Variants in XYLB observed in about 807,000 individuals in gnomAD.
XYLB encodes xylulose kinase.
Under a neutral mutation model 78.7 loss-of-function variants are expected in XYLB, and 62 were observed. That is an observed-to-expected ratio of 0.79 (90% CI 0.64 to 0.97). The LOEUF (loss-of-function observed/expected upper bound fraction) is 0.97, where lower values mean the gene tolerates loss of function less well. Ranked by LOEUF, XYLB falls within the 50% of genes least tolerant of loss-of-function variation. XYLB has a pLI of 0.00. For synonymous variants in XYLB, 245 were observed against 247.4 expected (o/e 0.99, Z 0.09); for missense variants, 687 against 676.8 (o/e 1.02, Z -0.17).
chr3:38,427,927 T>A, the XYLB span, among the ~76,000 whole-genome samples: 2 of 152,208 alleles, frequency 1.3e-5, no homozygotes, highest in South Asian at 4.1e-4. Context: ...GAAATCTACA[T>A]AACTGATTTA....
Position 38,395,576 on chromosome 3 carries a change from A to G in XYLB, c.1350+13A>G. The G allele has an allele frequency of 6.2e-7, 1 of 1,613,844 alleles. No individual in the cohort carries two copies. The highest frequency in any genetic ancestry group is 8.5e-7 in the Non-Finnish European group (1 of 1,179,698). On this transcript the variant is annotated intron_variant, in intron 16 of 18. Coordinates refer to ENST00000207870, the MANE Select transcript of XYLB (RefSeq NM_005108.4). ...AGAAATCTTACAGGTAAGCGTTAGT[A>G]GTGGGCCTTACACCATGGCCTCTCC...
intron 2 of XYLB, among the ~76,000 whole-genome samples, chr3:38,349,641 G>C (rs957018867): frequency 6.6e-6 from 1 of 152,206 alleles, no homozygotes; most frequent in Non-Finnish European, 1.5e-5. Flanking sequence ...GTTTTGGAGA[G>C]AAAGATCATG....
chr3:38,382,925 C>T (rs1336956239), intron 15 of XYLB, among the ~76,000 whole-genome samples: 1 of 152,232 alleles, frequency 6.6e-6, no homozygotes, highest in Non-Finnish European at 1.5e-5. Context: ...AATAGACATA[C>T]TTGGAACCAA....
intron 9 of XYLB, among the ~76,000 whole-genome samples, chr3:38,370,630 C>G (rs958754707): frequency 1.3e-5 from 2 of 152,258 alleles, no homozygotes; most frequent in South Asian, 4.2e-4. Flanking sequence ...AGCTTTGTGA[C>G]TTTGTGTCTC....
At chr3:38,389,098 G>T (rs1174762006) in intron 15 of XYLB, among the ~76,000 whole-genome samples, 3 of 147,030 alleles carry the variant, frequency 2.0e-5, no homozygotes, top group African/African-American at 7.6e-5. Flanking sequence ...GCGGCCTTCC[G>T]CAGTGTTTGT....
chr3:38,376,534 G>T (rs1231764637), intron 13 of XYLB, among the ~76,000 whole-genome samples: 1 of 152,186 alleles, frequency 6.6e-6, no homozygotes, highest in Non-Finnish European at 1.5e-5. Context: ...CCTCTACCCT[G>T]GTGCATCCCC....
rs761134663 is a variant in XYLB at position 38,362,979 on chromosome 3, G to A, written c.253G>A (p.Asp85Asn). The change falls in exon 4 of 19, where the codon GAC becomes AAC. Residue 85 changes from aspartate (D) to asparagine (N), a missense_variant. Asp to Asn is a conservative substitution (Grantham distance 23, BLOSUM62 1). Coordinates refer to ENST00000207870, the MANE Select transcript of XYLB (RefSeq NM_005108.4). ...ILEKMKASGF[D>N]FSQVLALSGA... ...GGAGAAGATGAAGGCTTCGGGCTTC[G>A]ACTTCTCTCAAGTCCTAGCCTTGTC... The A allele has an allele frequency of 1.7e-5, 27 of 1,583,568 alleles. No individual in the cohort carries two copies. The African/African-American group carries it at 2.9e-4, about 17-fold the overall frequency.
intron 9 of XYLB, among the ~76,000 whole-genome samples, chr3:38,370,890 A>G (rs1455379829): frequency 6.6e-6 from 1 of 152,030 alleles, no homozygotes; most frequent in African/African-American, 2.4e-5. Flanking sequence ...AGAGAGAGAG[A>G]GAAAAAGATC....
intron 15 of XYLB, among the ~76,000 whole-genome samples, chr3:38,381,659 T>C (rs1707152578): frequency 6.6e-6 from 1 of 152,224 alleles, no homozygotes; most frequent in Non-Finnish European, 1.5e-5. Flanking sequence ...GCGTAGCCTG[T>C]CTCTTATGGT....
chr3:38,437,005 AAAT>A, the XYLB span, among the ~76,000 whole-genome samples: 4,509 of 134,742 alleles, frequency 0.033, 93 homozygotes, highest in African/African-American at 0.065. Flanking sequence ...CTCCTTCTAA[AAAT>A]AATAATAATA....
intron 15 of XYLB, among the ~76,000 whole-genome samples, chr3:38,394,108 A>T (rs1462764403): frequency 6.6e-6 from 1 of 152,222 alleles, no homozygotes; most frequent in Non-Finnish European, 1.5e-5. Flanking sequence ...GTATACATTA[A>T]TTGGAAAAGA....
chr3:38,369,987 CA>C, intron 8 of XYLB, 68 bp from the exon 9 acceptor site: 1 of 1,343,206 alleles, frequency 7.4e-7, no homozygotes, highest in Non-Finnish European at 1.1e-6. Flanking sequence ...TGCTCTGTGC[CA>C]GATTTGTGCA....
chr3:38,437,245 G>A, the XYLB span, among the ~76,000 whole-genome samples: 5 of 151,930 alleles, frequency 3.3e-5, no homozygotes, highest in African/African-American at 1.2e-4. Flanking sequence ...CAAGAAATTA[G>A]GCAATGAAGG....
At chr3:38,355,846 C>T (rs113044214) in intron 2 of XYLB, 16,512 of 701,622 alleles carry the variant, frequency 0.024, 327 homozygotes, top group African/African-American at 0.061. Flanking sequence ...TGTTCCTAAC[C>T]ACCTACTGAT....
rs921625340 is a variant in XYLB at position 38,346,906 on chromosome 3, G to A, written c.38G>A (p.Trp13Ter). ...GCCCCTCGCCGCTGCTGCCTGGGCT[G>A]GGACTTCAGCACGCAGCAGGTACAG... ...EHAPRRCCLG[W>*]DFSTQQVKVV... is the part of the protein sequence containing the mutation. The change falls in exon 1 of 19, where the codon TGG becomes TAG. Residue 13 changes from tryptophan (W) to a stop codon, truncating the protein, a stop_gained. Transcript: ENST00000207870. LOFTEE classifies it high-confidence loss of function. 1.3e-6 allele frequency: 2 copies of A among 1,517,126 alleles called. No individual in the cohort carries two copies. Among genetic ancestry groups the A allele is most frequent in the Non-Finnish European group, 1.8e-6 (2 of 1,135,160 alleles). 94.0% of individuals were successfully genotyped at this position (1,517,126 alleles called of 1,614,324 possible).
intron 15 of XYLB, among the ~76,000 whole-genome samples, chr3:38,389,376 C>T (rs1169110419): frequency 2.6e-5 from 4 of 151,946 alleles, no homozygotes; most frequent in Admixed American, 6.6e-5. Flanking sequence ...CATCCGATTT[C>T]TCAATCTTTT....
chr3:38,440,268 T>C, the XYLB span, among the ~76,000 whole-genome samples: 2 of 152,232 alleles, frequency 1.3e-5, no homozygotes, highest in Admixed American at 6.5e-5. Context: ...AGTTTGGGAT[T>C]TCAATTATTC....
chr3:38,392,522 C>T (rs996033472), intron 15 of XYLB, among the ~76,000 whole-genome samples: 6 of 152,118 alleles, frequency 3.9e-5, no homozygotes, highest in Admixed American at 2.6e-4. Flanking sequence ...ATCTCAAACT[C>T]CTGACCTCAG....
rs151113815 is a variant in XYLB, at chr3:38,372,675, C to T, written c.786C>T (p.Tyr262=). The change falls in exon 10 of 19, where the codon TAC becomes TAT. Residue 262 remains tyrosine, a synonymous_variant. Transcript: ENST00000207870. ...CSVVGAISSY[Y]VQRYGFPPGC... is the part of the protein sequence containing the mutation. Reference sequence around the variant, plus strand: ...CTCAGGGAGCCATTTCTTCCTACTACGTCCAGCGCTACGGATTTCCTCCAG... The same window carrying T: ...CTCAGGGAGCCATTTCTTCCTACTATGTCCAGCGCTACGGATTTCCTCCAG... The T allele has an allele frequency of 1.0e-4, 166 of 1,614,188 alleles. 1 individual carries two copies. Among genetic ancestry groups the T allele is most frequent in the Non-Finnish European group, 1.2e-4 (144 of 1,180,034 alleles).
Sources: allele counts gnomAD v4.1 joint callset (sites outside exome capture counted in the v4.1 genomes callset), GRCh38; gene constraint gnomAD v4.1.1; transcripts MANE v1.5; gene names NCBI Gene and HGNC (gene_info 2026-07-23, HGNC 2026-07-21).